The following TIAM1 variants were observed in gnomAD, a reference collection of about 807,000 sequenced individuals.
TIAM1 encodes TIAM Rac1 associated GEF 1.
TIAM1 carries 65 observed loss-of-function variants against 163.5 expected under a neutral mutation model. The observed-to-expected ratio is 0.40, with a 90% CI of 0.33 to 0.49. The LOEUF is 0.49. Among genes scored for constraint, TIAM1 ranks in the 20% least tolerant of loss-of-function variants. The pLI is 0.77. For synonymous variants in TIAM1, 833 were observed against 810.1 expected (o/e 1.03, Z -0.48); for missense variants, 1,789 against 2,044.7 (o/e 0.87, Z 2.41).
At chr21:31,496,980 A>G (rs929477487) in intron 1 of TIAM1, among the ~76,000 whole-genome samples, 2 of 152,174 alleles carry the variant, frequency 1.3e-5, no homozygotes, top group African/African-American at 2.4e-5. Flanking sequence ...GTTCACAATA[A>G]GAGTTCGCAC....
chr21:31,227,490 T>C (rs941108639), intron 6 of TIAM1, among the ~76,000 whole-genome samples: 2 of 152,186 alleles, frequency 1.3e-5, no homozygotes, highest in Non-Finnish European at 1.5e-5. Flanking sequence ...AACAAATATT[T>C]TGCCTGTGGA....
chr21:31,554,600 C>G (rs2048808744), intron 1 of TIAM1, among the ~76,000 whole-genome samples: 1 of 152,210 alleles, frequency 6.6e-6, no homozygotes, highest in African/African-American at 2.4e-5. Context: ...TTGTGCTCAG[C>G]TGAAAGAAAC....
At chr21:31,245,372 T>TAAAAA (rs35494700) in intron 6 of TIAM1, 116 bp downstream of exon 6, 11 of 209,916 alleles carry the variant, frequency 5.2e-5, no homozygotes, top group African/African-American at 2.3e-4. Flanking sequence ...ATCTCACCAC[T>TAAAAA]AAAAAAAAAA....
intron 1 of TIAM1, among the ~76,000 whole-genome samples, chr21:31,471,973 C>T (rs1047704945): frequency 4.2e-5 from 6 of 141,900 alleles, no homozygotes; most frequent in Non-Finnish European, 9.4e-5. Context: ...GGGAGCCCTA[C>T]AATGATCTCC....
intron 20 of TIAM1, among the ~76,000 whole-genome samples, chr21:31,142,231 T>C (rs1329607055): frequency 6.6e-6 from 1 of 151,970 alleles, no homozygotes; most frequent in Non-Finnish European, 1.5e-5. Context: ...GGCCCTGTCA[T>C]CCCAAAATAA....
At chr21:31,470,478 C>A (rs535747072) in intron 1 of TIAM1, among the ~76,000 whole-genome samples, 3 of 152,086 alleles carry the variant, frequency 2.0e-5, no homozygotes, top group South Asian at 4.2e-4. Flanking sequence ...AGATTACAGG[C>A]ATATGCCACC....
At chr21:31,131,949 C>A (rs2082426059) in intron 23 of TIAM1, among the ~76,000 whole-genome samples, 1 of 152,222 alleles carries the variant, frequency 6.6e-6, no homozygotes. Flanking sequence ...GCCTCCACAA[C>A]TGTGAGAAAT....
chr21:31,228,481 C>T (rs143058677), intron 6 of TIAM1, among the ~76,000 whole-genome samples: 79 of 152,072 alleles, frequency 5.2e-4, no homozygotes, highest in East Asian at 2.5e-3. Flanking sequence ...CATATGCACA[C>T]GAAAATATAC....
At chr21:31,424,940 C>CTACT (rs2043730526) in intron 2 of TIAM1, among the ~76,000 whole-genome samples, 1 of 151,800 alleles carries the variant, frequency 6.6e-6, no homozygotes, top group Non-Finnish European at 1.5e-5. Context: ...GTAATCCCAG[C>CTACT]TACTACAGAG....
intron 11 of TIAM1, among the ~76,000 whole-genome samples, chr21:31,205,619 T>C (rs2086410463): frequency 2.6e-5 from 4 of 152,170 alleles, no homozygotes. Flanking sequence ...CTCACTTGAA[T>C]TGTGTAATGC....
chr21:31,377,634 A>G (rs1467520439), intron 2 of TIAM1, among the ~76,000 whole-genome samples: 2 of 152,124 alleles, frequency 1.3e-5, no homozygotes, highest in Non-Finnish European at 2.9e-5. Context: ...ATTGTCCTCA[A>G]ACTGTACAGG....
chr21:31,537,424 C>T (rs1376084817), intron 1 of TIAM1, among the ~76,000 whole-genome samples: 1 of 144,864 alleles, frequency 6.9e-6, no homozygotes, highest in Non-Finnish European at 1.5e-5. Flanking sequence ...TTATATAAAC[C>T]AATACTGCAA....
At chr21:31,278,478 T>C (rs2073402043) in intron 2 of TIAM1, among the ~76,000 whole-genome samples, 1 of 152,220 alleles carries the variant, frequency 6.6e-6, no homozygotes, top group Non-Finnish European at 1.5e-5. Flanking sequence ...ATTTTGGTAC[T>C]TTCTTCCCAG....
chr21:31,414,057 C>T (rs952025829), intron 2 of TIAM1, among the ~76,000 whole-genome samples: 1 of 152,196 alleles, frequency 6.6e-6, no homozygotes, highest in African/African-American at 2.4e-5. Context: ...TTTGGTTCAA[C>T]TCTGTACTTC....
chr21:31,306,257 T>C (rs1027965923), intron 2 of TIAM1, among the ~76,000 whole-genome samples: 1 of 152,012 alleles, frequency 6.6e-6, no homozygotes, highest in Non-Finnish European at 1.5e-5. Flanking sequence ...GCACTCTGGC[T>C]TGGATGAAAG....
intron 14 of TIAM1, 44 bp from the exon 15 acceptor site, chr21:31,182,689 CAG>C (rs1243155534): frequency 6.4e-7 from 1 of 1,566,686 alleles, no homozygotes; most frequent in African/African-American, 1.4e-5. Flanking sequence ...CACACATTAT[CAG>C]AACACAACAG....
At chr21:31,192,568 G>A (rs1296539362) in intron 13 of TIAM1, among the ~76,000 whole-genome samples, 1 of 151,918 alleles carries the variant, frequency 6.6e-6, no homozygotes, top group Non-Finnish European at 1.5e-5. Flanking sequence ...CTGAGATCGC[G>A]CCACTGCACT....
rs1288034896 is a variant in TIAM1 at position 31,119,032 on chromosome 21, T to G, written c.*1336A>C. 6.5e-6 allele frequency: 1 copy of G among 154,996 alleles called. No individual in the cohort carries two copies. Among genetic ancestry groups the G allele is most frequent in the African/African-American group, 2.4e-5 (1 of 41,402 alleles). 9.6% of individuals were successfully genotyped at this position (154,996 alleles called of 1,614,324 possible). A position where few individuals can be genotyped will look rare whatever the true frequency, so the allele number is the denominator to read the frequency against. On this transcript the variant is annotated 3_prime_UTR_variant, in exon 28 of 28. Coordinates refer to ENST00000541036, the MANE Select transcript of TIAM1 (RefSeq NM_001353694.2). ...TAGATATTTTCCCCAAAAAGAAAGTTTTCATAGTATTTTAAACCCTTCTTA... is the reference window on the plus strand; with the variant it reads ...TAGATATTTTCCCCAAAAAGAAAGTGTTCATAGTATTTTAAACCCTTCTTA...
intron 2 of TIAM1, among the ~76,000 whole-genome samples, chr21:31,371,017 C>A (rs910207114): frequency 6.6e-6 from 1 of 152,146 alleles, no homozygotes; most frequent in African/African-American, 2.4e-5. Context: ...TCAGTGCCAA[C>A]CTCCAGGGAC....
Sources: allele counts gnomAD v4.1 joint callset (sites outside exome capture counted in the v4.1 genomes callset), GRCh38; gene constraint gnomAD v4.1.1; transcripts MANE v1.5; gene names NCBI Gene and HGNC (gene_info 2026-07-23, HGNC 2026-07-21).